Variants in UBA2 observed in about 807,000 individuals in gnomAD.
UBA2 encodes ubiquitin like modifier activating enzyme 2.
In UBA2, 11 loss-of-function variants were observed where a neutral mutation model predicts 77.2. The ratio of observed to expected loss-of-function variants is 0.14; its 90% CI spans 0.09 to 0.24. The LOEUF (loss-of-function observed/expected upper bound fraction) is 0.24, where lower values mean the gene tolerates loss of function less well. UBA2 is among the 10% of genes least tolerant of loss of function. UBA2 has a pLI of 1.00. For missense variants in UBA2, 487 were observed against 781.7 expected (o/e 0.62, Z 4.50); for synonymous variants, 278 against 276.7 (o/e 1.00, Z -0.05).
intron 2 of UBA2, among the ~76,000 whole-genome samples, chr19:34,431,113 C>G (rs1455378500): frequency 6.6e-6 from 1 of 152,102 alleles, no homozygotes; most frequent in Non-Finnish European, 1.5e-5. Context: ...GGCAAACCCC[C>G]ACTTGTTTCT....
Position 34,437,057 on chromosome 19 carries a change from C to T in UBA2, c.460-1588C>T, listed in dbSNP as rs192568735. Among the ~76,000 whole-genome samples, 27 of 152,240 alleles carry T rather than the reference C, an allele frequency of 1.8e-4. No homozygotes were observed. In the East Asian group the frequency reaches 2.9e-3, roughly 16 times the overall value. On this transcript the variant is annotated intron_variant, in intron 5 of 16. Coordinates refer to ENST00000246548, the MANE Select transcript of UBA2 (RefSeq NM_005499.3). ...ATCAGAAATGGTGTTTCAGAGAAAA[C>T]TCTAAATCTGCTGCAATTTATATTA...
intron 15 of UBA2, 33 bp from the exon 16 acceptor site, chr19:34,466,845 G>GTC: frequency 6.2e-7 from 1 of 1,607,234 alleles, no homozygotes; most frequent in Middle Eastern, 2.2e-4. Flanking sequence ...TTTCTAAATA[G>GTC]TCATAGCAGT....
At chr19:34,463,874 A>T (rs2075659134) in intron 14 of UBA2, 152 bp from the exon 15 acceptor site, 3 of 620,596 alleles carry the variant, frequency 4.8e-6, no homozygotes, top group Non-Finnish European at 8.7e-6. Flanking sequence ...ATACAATCAG[A>T]TTCTGAGATA....
chr19:34,456,956 T>C (rs1017094482), intron 12 of UBA2, among the ~76,000 whole-genome samples: 6 of 151,572 alleles, frequency 4.0e-5, no homozygotes, highest in Non-Finnish European at 7.4e-5. Flanking sequence ...ACTGAACTTA[T>C]TAAAATGTCT....
At position 34,469,287 on chromosome 19, in the gene UBA2, G is replaced by A. The variant is rs1244926763; in HGVS notation, c.*66G>A. 11 of 1,401,810 alleles carry A rather than the reference G, an allele frequency of 7.8e-6. No homozygotes were observed. The highest frequency in any genetic ancestry group is 1.0e-5 in the Non-Finnish European group (11 of 1,072,402). 86.8% of individuals were successfully genotyped at this position (1,401,810 alleles called of 1,614,324 possible). Reference sequence around the variant, plus strand: ...TATCTGGGCAGAACCAGATTGTTATGTCCTTTGTTCCAAAGGGAAAAAATT... The same window carrying A: ...TATCTGGGCAGAACCAGATTGTTATATCCTTTGTTCCAAAGGGAAAAAATT... On this transcript the variant is annotated 3_prime_UTR_variant, in exon 17 of 17. Transcript: ENST00000246548.
chr19:34,444,044 GTTTTTTTTTTTTTTTTTT>G (rs35028159), intron 7 of UBA2, 133 bp downstream of exon 7: 8 of 175,806 alleles, frequency 4.6e-5, no homozygotes, highest in South Asian at 2.1e-4. Flanking sequence ...TTTTTTTTTT[GTTTTTTTTTTTTTTTTTT>G]TTTTTTGTCT....
rs570656689 is a variant in UBA2 at position 34,446,064 on chromosome 19, C to G, written c.771+943C>G. 3.4e-4 allele frequency among the ~76,000 whole-genome samples: 51 copies of G among 151,982 alleles called. 1 individual carries two copies. Among genetic ancestry groups the G allele is most frequent in the Non-Finnish European group, 6.2e-4 (42 of 67,982 alleles). On this transcript the variant is annotated intron_variant, in intron 8 of 16. Coordinates refer to ENST00000246548, the MANE Select transcript of UBA2 (RefSeq NM_005499.3). ...TGGAGAATGGGGTCTCACCATGTTG[C>G]CCAGGCAGATCTCAAACTCCTGGTT...
At position 34,435,044 on chromosome 19, in the gene UBA2, A is replaced by G; in HGVS notation, c.459+76A>G. On this transcript the variant is annotated intron_variant, in intron 5 of 16. Transcript: ENST00000246548. ...TGGAGCAGGAGGAAATAAACTTTGT[A>G]TTTATATAAAATGAACAGGTGAACA... 5.6e-6 allele frequency: 6 copies of G among 1,066,882 alleles called. 1 individual carries two copies. The highest frequency in any genetic ancestry group is 1.4e-6 in the Non-Finnish European group (1 of 733,992). 66.1% of individuals were successfully genotyped at this position (1,066,882 alleles called of 1,614,324 possible).
At position 34,470,810 on chromosome 19, in the gene UBA2, C is replaced by T. The variant is rs545447520; in HGVS notation, c.*1589C>T. 24 of 152,492 alleles carry T rather than the reference C, an allele frequency of 1.6e-4. No homozygotes were observed. Among genetic ancestry groups the T allele is most frequent in the Admixed American group, 1.5e-3 (23 of 15,308 alleles). 9.4% of individuals were successfully genotyped at this position (152,492 alleles called of 1,614,324 possible). A position where few individuals can be genotyped will look rare whatever the true frequency, so the allele number is the denominator to read the frequency against. On this transcript the variant is annotated 3_prime_UTR_variant, in exon 17 of 17. Transcript: ENST00000246548. ...GTGCTGGGATTACAGGCGTGAGCCA[C>T]TGCGCCTGGCCTAATGGCAGTGTTT...
chr19:34,460,250 G>A (rs1470199291), intron 13 of UBA2, among the ~76,000 whole-genome samples: 3 of 152,144 alleles, frequency 2.0e-5, no homozygotes, highest in Non-Finnish European at 4.4e-5. Context: ...CCCCTGTTGA[G>A]ATGAAGTTGG....
At position 34,452,159 on chromosome 19, in the gene UBA2, C is replaced by A; in HGVS notation, c.1038+12C>A. The A allele has an allele frequency of 1.3e-6, 2 of 1,564,286 alleles. No individual in the cohort carries two copies. Among genetic ancestry groups the A allele is most frequent in the Non-Finnish European group, 1.7e-6 (2 of 1,148,776 alleles). ...TCATATGGGATAAGGTTCGTTTTGACAATGTGTGGCAAGTACTTACATGTC... is the reference window on the plus strand; with the variant it reads ...TCATATGGGATAAGGTTCGTTTTGAAAATGTGTGGCAAGTACTTACATGTC... On this transcript the variant is annotated intron_variant, in intron 10 of 16. Transcript: ENST00000246548.
intron 9 of UBA2, among the ~76,000 whole-genome samples, 155 bp from the exon 10 acceptor site, chr19:34,451,826 G>C (rs973905261): frequency 2.0e-5 from 3 of 152,040 alleles, no homozygotes; most frequent in African/African-American, 4.8e-5. Context: ...GATTACAGGC[G>C]TGAGCCACCG....
chr19:34,441,251 C>T (rs753012656), intron 6 of UBA2, among the ~76,000 whole-genome samples: 83 of 151,906 alleles, frequency 5.5e-4, no homozygotes, highest in Non-Finnish European at 8.7e-4. Context: ...GTCAGGAGAT[C>T]GAGACCATCC....
At chr19:34,430,414 T>C (rs145708498) in intron 1 of UBA2, among the ~76,000 whole-genome samples, 162 bp from the exon 2 acceptor site, 97 of 152,356 alleles carry the variant, frequency 6.4e-4, no homozygotes, top group Non-Finnish European at 1.1e-3. Flanking sequence ...TGCATTAAAT[T>C]ATTCTTTATC....
At chr19:34,433,259 C>T in intron 3 of UBA2, 89 bp from the exon 4 acceptor site, 1 of 899,384 alleles carries the variant, frequency 1.1e-6, no homozygotes, top group South Asian at 1.4e-5. Context: ...TTTACAGTTA[C>T]TATGTTTTTT....
Position 34,470,090 on chromosome 19 carries a change from A to T in UBA2, c.*869A>T, listed in dbSNP as rs2075723883. 3.2e-5 allele frequency: 2 copies of T among 62,944 alleles called. No individual in the cohort carries two copies. 3.9% of individuals were successfully genotyped at this position (62,944 alleles called of 1,614,324 possible). A position where few individuals can be genotyped will look rare whatever the true frequency, so the allele number is the denominator to read the frequency against. Reference sequence around the variant, plus strand: ...GTCAACATGGTGAAACCCCATCTCTACTAAAAAAAAAAAAAAAAATTAGCC... The same window carrying T: ...GTCAACATGGTGAAACCCCATCTCTTCTAAAAAAAAAAAAAAAAATTAGCC... On this transcript the variant is annotated 3_prime_UTR_variant, in exon 17 of 17. Transcript: ENST00000246548.
intron 8 of UBA2, among the ~76,000 whole-genome samples, chr19:34,448,113 AG>A (rs1282615026): frequency 1.3e-5 from 2 of 152,146 alleles, no homozygotes; most frequent in Non-Finnish European, 2.9e-5. Flanking sequence ...GATCACTATA[AG>A]GGGATAGAGG....
Position 34,438,160 on chromosome 19 carries a change from A to T in UBA2, c.460-485A>T, listed in dbSNP as rs141614692. ...TATCTTGAAATTAATCTTGTAGTTT[A>T]CTTAATTTCAGGAGATTATAAGGAT... On this transcript the variant is annotated intron_variant, in intron 5 of 16. Transcript: ENST00000246548. Among the ~76,000 whole-genome samples, 582 of 151,732 alleles carry T rather than the reference A, an allele frequency of 3.8e-3. 4 individuals carry two copies. The highest frequency in any genetic ancestry group is 0.014 in the African/African-American group (562 of 41,392).
At chr19:34,455,498 C>T (rs1023719922) in intron 12 of UBA2, among the ~76,000 whole-genome samples, 1 of 151,996 alleles carries the variant, frequency 6.6e-6, no homozygotes, top group Non-Finnish European at 1.5e-5. Context: ...AAGAAGGCTT[C>T]CTAGGAAATA....
Sources: gnomAD v4.1 joint callset for allele counts (sites outside exome capture counted in the v4.1 genomes callset) on GRCh38, gnomAD v4.1.1 for gene constraint, MANE v1.5 for transcripts, NCBI Gene and HGNC (gene_info 2026-07-23, HGNC 2026-07-21) for gene names.